The following EMID1 variants were observed in gnomAD, a reference collection of about 807,000 sequenced individuals.
EMID1 encodes the protein EMI domain containing 1.
In EMID1, 40 loss-of-function variants were observed where a neutral mutation model predicts 60.6. The observed-to-expected ratio is 0.66, with a 90% confidence interval of 0.51 to 0.86. The LOEUF (loss-of-function observed/expected upper bound fraction) is 0.86. Among genes scored for constraint, EMID1 ranks in the 40% least tolerant of loss-of-function variants. EMID1 has a pLI of 0.00. For missense variants in EMID1, 585 were observed against 597.1 expected (o/e 0.98, Z 0.21); for synonymous variants, 242 against 231.0 (o/e 1.05, Z -0.43).
intron 3 of EMID1, among the ~76,000 whole-genome samples, chr22:29,219,706 C>T (rs996193323): frequency 2.0e-5 from 3 of 152,148 alleles, no homozygotes; most frequent in Admixed American, 2.0e-4. Flanking sequence ...TGCTTGAGCC[C>T]AGGAGTTCAA....
intron 13 of EMID1, among the ~76,000 whole-genome samples, chr22:29,252,444 C>G (rs1316064957): frequency 6.6e-6 from 1 of 152,196 alleles, no homozygotes; most frequent in Non-Finnish European, 1.5e-5. Flanking sequence ...AGAGAGATTT[C>G]CAGATGTTGT....
At chr22:29,246,052 T>C (rs904623202) in intron 13 of EMID1, among the ~76,000 whole-genome samples, 1 of 152,188 alleles carries the variant, frequency 6.6e-6, no homozygotes, top group Non-Finnish European at 1.5e-5. Context: ...CTGTCAACTT[T>C]ATAAACACTT....
intron 4 of EMID1, among the ~76,000 whole-genome samples, chr22:29,225,481 C>T (rs930966299): frequency 6.6e-6 from 1 of 152,250 alleles, no homozygotes; most frequent in Non-Finnish European, 1.5e-5. Context: ...TTCAATCCCC[C>T]ATTTCCCCTT....
At chr22:29,241,789 A>G (rs554738011) in intron 12 of EMID1, among the ~76,000 whole-genome samples, 2 of 125,044 alleles carry the variant, frequency 1.6e-5, no homozygotes, top group African/African-American at 5.1e-5. Context: ...ACATTTCCCC[A>G]AACATTTTTT....
In EMID1 at chr22:29,259,154, G is replaced by A; in HGVS notation, c.*210G>A. The A allele has an allele frequency of 1.4e-6, 1 of 725,506 alleles. No individual in the cohort carries two copies. Among genetic ancestry groups the A allele is most frequent in the Non-Finnish European group, 2.1e-6 (1 of 470,300 alleles). The allele number at this position is 725,506 out of a possible 1,614,324, so 44.9% of individuals were successfully genotyped here. A position where few individuals can be genotyped will look rare whatever the true frequency, so the allele number is the denominator to read the frequency against. On this transcript the variant is annotated 3_prime_UTR_variant, in exon 15 of 15. Transcript: ENST00000334018. ...GCTGAGAGGAGAGGCTTGGGCCTCA[G>A]TTTCCCTCTGTGAAGTGGGGGGAGG...
At chr22:29,220,916 A>T (rs1253653302) in intron 3 of EMID1, among the ~76,000 whole-genome samples, 4 of 151,998 alleles carry the variant, frequency 2.6e-5, no homozygotes, top group African/African-American at 9.7e-5. Context: ...GGCCGTGTGG[A>T]GGTCAAGATG....
At position 29,233,458 on chromosome 22, in the gene EMID1, A is replaced by C. The variant is rs757931636; in HGVS notation, c.903A>C (p.Pro301=). The C allele has an allele frequency of 6.2e-7, 1 of 1,614,188 alleles. No homozygotes were observed. Among genetic ancestry groups the C allele is most frequent in the Non-Finnish European group, 8.5e-7 (1 of 1,179,992 alleles). ...GACCCACTGGGCCTCCAGGCCCTCC[A>C]GGGCCCATGGGTAAGTTGAGTCCAG... ...PQGPTGPPGP[P]GPMGPPGPPG... Residue 301 remains proline (P), a synonymous_variant, in exon 9 of 15, where the codon CCA becomes CCC. Coordinates refer to ENST00000334018, the MANE Select transcript of EMID1 (RefSeq NM_133455.4).
rs1017691694 is a variant in EMID1, at chr22:29,208,485, C to T, written c.101+2346C>T. 2.6e-5 allele frequency among the ~76,000 whole-genome samples: 4 copies of T among 152,322 alleles called. No individual in the cohort carries two copies. The South Asian group carries it at 8.3e-4, about 32-fold the overall frequency. ...TGCTTCCTTTAACCACTCATCTCAG[C>T]GTTTCAGCTGAGGGTTCAAGCCTTC... On this transcript the variant is annotated intron_variant, in intron 1 of 14. Transcript: ENST00000334018.
chr22:29,217,592 A>G (rs1214799300), intron 3 of EMID1, among the ~76,000 whole-genome samples: 1 of 152,230 alleles, frequency 6.6e-6, no homozygotes, highest in Non-Finnish European at 1.5e-5. Context: ...GTGTGCCTGC[A>G]GCAGCCCCGG....
At chr22:29,233,323 A>C in intron 8 of EMID1, 56 bp from the exon 9 acceptor site, 1 of 1,592,948 alleles carries the variant, frequency 6.3e-7, no homozygotes, top group Non-Finnish European at 8.6e-7. Context: ...TGGCAGGTGA[A>C]GACTAACCAC....
chr22:29,229,946 T>C (rs1474828940), intron 5 of EMID1, among the ~76,000 whole-genome samples: 1 of 152,198 alleles, frequency 6.6e-6, no homozygotes, highest in Admixed American at 6.5e-5. Context: ...ACTTCCAGCT[T>C]CCCAGAGTCT....
Position 29,225,183 on chromosome 22 carries a change from C to A in EMID1, c.370C>A (p.Arg124=). 1.2e-6 allele frequency: 2 copies of A among 1,613,904 alleles called. No homozygotes were observed. Among genetic ancestry groups the A allele is most frequent in the Non-Finnish European group, 1.7e-6 (2 of 1,180,010 alleles). The part of the protein sequence containing the change: ...LEPMWSGSTM[R]RMALRPTAFS... ...GCCCATGTGGTCGGGCAGTACCATGCGGCGGATGGCGCTTCGGCCCACAGC... is the reference window on the plus strand; with the variant it reads ...GCCCATGTGGTCGGGCAGTACCATGAGGCGGATGGCGCTTCGGCCCACAGC... Residue 124 remains arginine, a synonymous_variant, in exon 4 of 15, where the codon CGG becomes AGG. Coordinates refer to ENST00000334018, the MANE Select transcript of EMID1 (RefSeq NM_133455.4).
At chr22:29,243,416 ACTG>A in intron 12 of EMID1, 26 bp from the exon 13 acceptor site, 1 of 1,609,462 alleles carries the variant, frequency 6.2e-7, no homozygotes, top group Non-Finnish European at 8.5e-7. Flanking sequence ...TGCCTTCCTC[ACTG>A]CTGCTATCTC....
At chr22:29,236,715 TAAAAAATAACTA>T (rs2040961276) in intron 12 of EMID1, among the ~76,000 whole-genome samples, 1 of 151,800 alleles carries the variant, frequency 6.6e-6, no homozygotes, top group African/African-American at 2.4e-5. Context: ...ATCAGTAAAA[TAAAAAATAACTA>T]AATAAATGAA....
chr22:29,253,965 A>G, intron 13 of EMID1: 1 of 985,472 alleles, frequency 1.0e-6, no homozygotes, highest in Non-Finnish European at 1.2e-6. Flanking sequence ...GAGAGCAGCC[A>G]GCTGGGATCC....
intron 13 of EMID1, chr22:29,253,798 C>T: frequency 1.9e-6 from 1 of 516,638 alleles, no homozygotes; most frequent in Non-Finnish European, 2.5e-6. Flanking sequence ...ATATAGGTGG[C>T]CAAGAGATAT....
intron 6 of EMID1, chr22:29,231,389 A>G: frequency 1.2e-6 from 1 of 810,214 alleles, no homozygotes; most frequent in South Asian, 1.5e-5. Context: ...GGGAGTGGGG[A>G]TTCTGGATGA....
intron 13 of EMID1, among the ~76,000 whole-genome samples, chr22:29,247,284 A>C (rs2041359862): frequency 6.6e-6 from 1 of 152,168 alleles, no homozygotes; most frequent in African/African-American, 2.4e-5. Context: ...TTGCATTTTG[A>C]TATACAGAAA....
chr22:29,234,427 G>A, intron 12 of EMID1, 78 bp downstream of exon 12: 1 of 1,506,654 alleles, frequency 6.6e-7, no homozygotes, highest in South Asian at 1.2e-5. Flanking sequence ...TCCATCCCCT[G>A]CAACCAGAGC....
Sources: allele counts gnomAD v4.1 joint callset (sites outside exome capture counted in the v4.1 genomes callset), GRCh38; gene constraint gnomAD v4.1.1; transcripts MANE v1.5; gene names NCBI Gene and HGNC (gene_info 2026-07-23, HGNC 2026-07-21).